Variants in PRLR observed in about 807,000 individuals in gnomAD.
The protein encoded by PRLR is hPRL receptor.
A neutral mutation model predicts 40.2 loss-of-function variants in PRLR; 13 were observed. The observed-to-expected ratio is 0.32, with a 90% CI of 0.21 to 0.51. PRLR has a LOEUF of 0.51. Ranked by LOEUF, PRLR falls within the 20% of genes least tolerant of loss-of-function variation. The pLI, the probability that PRLR is intolerant of heterozygous loss-of-function variation, is 0.97. For missense variants in PRLR, 656 were observed against 747.3 expected, an observed-to-expected ratio of 0.88 and a Z score of 1.42; for synonymous variants, 269 against 278.7, an observed-to-expected ratio of 0.97 and a Z score of 0.35.
At chr5:35,149,649 C>A (rs1774284389) in intron 1 of PRLR, among the ~76,000 whole-genome samples, 1 of 152,156 alleles carries the variant, frequency 6.6e-6, no homozygotes, top group Non-Finnish European at 1.5e-5. Context: ...TTAAACACAT[C>A]TTAAAGATAC....
chr5:35,076,243 T>C (rs1159206064), intron 5 of PRLR, among the ~76,000 whole-genome samples: 1 of 152,036 alleles, frequency 6.6e-6, no homozygotes, highest in Non-Finnish European at 1.5e-5. Flanking sequence ...ATAACAAACT[T>C]CTCTGAGCTA....
chr5:35,146,489 T>C (rs914349470), intron 1 of PRLR, among the ~76,000 whole-genome samples: 2 of 152,186 alleles, frequency 1.3e-5, no homozygotes, highest in African/African-American at 4.8e-5. Flanking sequence ...CACTATTGTG[T>C]TCAGTACATG....
chr5:35,187,528 T>C (rs533759347), intron 1 of PRLR, among the ~76,000 whole-genome samples: 19 of 152,294 alleles, frequency 1.2e-4, no homozygotes, highest in South Asian at 1.2e-3. Context: ...GCCAGAGTTC[T>C]AGGTTCTTTG....
At chr5:35,167,261 C>A (rs192373642) in intron 1 of PRLR, among the ~76,000 whole-genome samples, 3 of 151,958 alleles carry the variant, frequency 2.0e-5, no homozygotes, top group South Asian at 4.1e-4. Context: ...TAGATTGAGG[C>A]GAGTCTCATA....
rs568535196 is a variant in PRLR, at chr5:35,101,737, C to T, written c.-43-12074G>A. The stretch of plus-strand genomic sequence containing the variant: ...ATATAAATATAAAACATATATAAAA[C>T]ATATATATAACATATATACATATAA... On this transcript the variant is annotated intron_variant, in intron 2 of 9. Transcript: ENST00000618457. Among the ~76,000 whole-genome samples the T allele has an allele frequency of 7.3e-3, 1,084 of 147,922 alleles. 4 individuals are homozygous for T. Among genetic ancestry groups the T allele is most frequent in the Non-Finnish European group, 0.012 (780 of 67,214 alleles).
At chr5:35,157,688 T>A (rs2111891561) in intron 1 of PRLR, among the ~76,000 whole-genome samples, 1 of 152,196 alleles carries the variant, frequency 6.6e-6, no homozygotes, top group African/African-American at 2.4e-5. Flanking sequence ...CCTCATCCCC[T>A]CGAAGTCAGT....
In PRLR at chr5:35,060,122, A is replaced by G. The variant is rs1768950130; in HGVS notation, c.*4967T>C. The G allele has an allele frequency of 6.6e-6, 1 of 152,198 alleles. No homozygotes were observed. Among genetic ancestry groups the G allele is most frequent in the Non-Finnish European group, 1.5e-5 (1 of 68,032 alleles). The allele number at this position is 152,198 out of a possible 1,614,324, so 9.4% of individuals were successfully genotyped here. ...ATGGGCTTAATCTCTAAGTATGCAA[A>G]TCTCTAAATGGGATATACTTGTGAT... On this transcript the variant is annotated 3_prime_UTR_variant, in exon 10 of 10. Transcript: ENST00000618457.
intron 1 of PRLR, among the ~76,000 whole-genome samples, chr5:35,229,850 C>G (rs1473373025): frequency 3.3e-5 from 5 of 151,960 alleles, no homozygotes; most frequent in Non-Finnish European, 5.9e-5. Flanking sequence ...CCCCTCCCCG[C>G]TCTTTTTTTC....
chr5:35,102,615 T>C (rs1263830084), intron 2 of PRLR, among the ~76,000 whole-genome samples: 1 of 150,960 alleles, frequency 6.6e-6, no homozygotes, highest in Non-Finnish European at 1.5e-5. Flanking sequence ...CAATCTTGGC[T>C]CACTGCAACC....
intron 1 of PRLR, among the ~76,000 whole-genome samples, chr5:35,128,259 A>T (rs915938188): frequency 2.0e-5 from 3 of 150,834 alleles, no homozygotes; most frequent in African/African-American, 4.9e-5. Flanking sequence ...TTATATGCAA[A>T]TACTATAGCA....
intron 1 of PRLR, among the ~76,000 whole-genome samples, chr5:35,189,576 G>A (rs1295240391): frequency 1.5e-4 from 5 of 33,400 alleles, no homozygotes; most frequent in South Asian, 6.8e-4. Context: ...GAGAAACTCC[G>A]TTTAAAAAAA....
chr5:35,221,338 A>C (rs571434889), intron 1 of PRLR, among the ~76,000 whole-genome samples: 1 of 152,342 alleles, frequency 6.6e-6, no homozygotes, highest in Non-Finnish European at 1.5e-5. Context: ...TCTCATAATT[A>C]ATTAGCAAGC....
chr5:35,064,438 A>T lies in PRLR; in HGVS notation c.*651T>A, dbSNP rs1769224752. ...CATTTTTATTTCCAAACTATATTTT[A>T]TAGAAGCTTTAGAGTAGAATTTAGG... On this transcript the variant is annotated 3_prime_UTR_variant, in exon 10 of 10. Transcript: ENST00000618457. 1 of 152,556 alleles carries T rather than the reference A, an allele frequency of 6.6e-6. No individual in the cohort carries two copies. Among genetic ancestry groups the T allele is most frequent in the South Asian group, 2.1e-4 (1 of 4,832 alleles). 9.5% of individuals were successfully genotyped at this position (152,556 alleles called of 1,614,324 possible).
chr5:35,147,628 TA>T (rs1468799544), intron 1 of PRLR, among the ~76,000 whole-genome samples: 1 of 152,028 alleles, frequency 6.6e-6, no homozygotes, highest in Non-Finnish European at 1.5e-5. Context: ...GGCCTCAAAA[TA>T]AAGAATAAAT....
chr5:35,095,150 A>C (rs545095811), intron 2 of PRLR, among the ~76,000 whole-genome samples: 10 of 152,264 alleles, frequency 6.6e-5, no homozygotes, highest in Admixed American at 6.5e-4. Context: ...TTTTCTTTCC[A>C]GTACAGAATG....
intron 1 of PRLR, among the ~76,000 whole-genome samples, chr5:35,130,854 C>T (rs559836407): frequency 6.6e-6 from 1 of 152,216 alleles, no homozygotes; most frequent in South Asian, 2.1e-4. Flanking sequence ...AGAGAAGAGA[C>T]ACACGGGGAG....
rs956616283 is a variant in PRLR at position 35,057,466 on chromosome 5, T to C, written c.*7623A>G. ...GAGCTGGGTATTTTCAATAATGATG[T>C]GAATAGAAATATAACTAACATATTA... On this transcript the variant is annotated 3_prime_UTR_variant, in exon 10 of 10. Coordinates refer to ENST00000618457, the MANE Select transcript of PRLR (RefSeq NM_000949.7). 2 of 152,190 alleles carry C rather than the reference T, an allele frequency of 1.3e-5. No homozygotes were observed. The highest frequency in any genetic ancestry group is 3.8e-4 in the East Asian group (2 of 5,202). The allele number at this position is 152,190 out of a possible 1,614,324, so 9.4% of individuals were successfully genotyped here.
At chr5:35,109,431 A>G (rs1489367337) in intron 2 of PRLR, among the ~76,000 whole-genome samples, 1 of 152,246 alleles carries the variant, frequency 6.6e-6, no homozygotes, top group African/African-American at 2.4e-5. Flanking sequence ...CGAACTGGCA[A>G]CCTACAGAAT....
At chr5:35,215,324 CT>C (rs1776259782) in intron 1 of PRLR, among the ~76,000 whole-genome samples, 1 of 152,184 alleles carries the variant, frequency 6.6e-6, no homozygotes, top group Non-Finnish European at 1.5e-5. Flanking sequence ...GCCTTTGAGG[CT>C]CATAAATTTC....
Sources: allele counts gnomAD v4.1 joint callset (sites outside exome capture counted in the v4.1 genomes callset), GRCh38; gene constraint gnomAD v4.1.1; transcripts MANE v1.5; gene names NCBI Gene and HGNC (gene_info 2026-07-23, HGNC 2026-07-21).